The following NELL2 variants were observed in gnomAD, a reference collection of about 807,000 sequenced individuals.
NELL2 encodes the protein protein kinase C-binding protein NELL2.
In NELL2, 41 loss-of-function variants were observed where a neutral mutation model predicts 109.6. The ratio of observed to expected loss-of-function variants is 0.37; its 90% CI spans 0.29 to 0.49. The LOEUF (loss-of-function observed/expected upper bound fraction) is 0.49, where lower values mean the gene tolerates loss of function less well. NELL2 is among the 20% of genes least tolerant of loss of function. The pLI is 0.98. For synonymous variants in NELL2, 355 were observed against 344.7 expected, an observed-to-expected ratio of 1.03 and a Z score of -0.33; for missense variants, 900 against 1,008.3, an observed-to-expected ratio of 0.89 and a Z score of 1.45.
intron 15 of NELL2, among the ~76,000 whole-genome samples, chr12:44,593,297 T>A (rs1355896145): frequency 6.6e-6 from 1 of 152,136 alleles, no homozygotes; most frequent in Non-Finnish European, 1.5e-5. Flanking sequence ...TATAATCTTG[T>A]AAAACTTCCA....
intron 1 of NELL2, among the ~76,000 whole-genome samples, chr12:44,891,608 A>T (rs1945534971): frequency 6.7e-6 from 1 of 149,822 alleles, no homozygotes; most frequent in Admixed American, 6.8e-5. Flanking sequence ...TTTTCTCTTT[A>T]TTTGTAACAC....
chr12:44,661,325 G>T (rs778920338), intron 13 of NELL2, among the ~76,000 whole-genome samples: 3 of 152,148 alleles, frequency 2.0e-5, no homozygotes, highest in Admixed American at 1.3e-4. Flanking sequence ...ACCCATCTGG[G>T]ACTCTTCTTG....
chr12:44,536,134 G>T (rs1400137144), intron 15 of NELL2, among the ~76,000 whole-genome samples: 1 of 151,852 alleles, frequency 6.6e-6, no homozygotes, highest in Non-Finnish European at 1.5e-5. Flanking sequence ...CCACTAGAAG[G>T]CATGTTTTTT....
chr12:44,777,976 T>G (rs1360896622), intron 5 of NELL2, among the ~76,000 whole-genome samples: 2 of 152,186 alleles, frequency 1.3e-5, no homozygotes, highest in African/African-American at 4.8e-5. Context: ...TACTTAGTCA[T>G]TAAGGTATAA....
At chr12:44,710,360 C>T (rs1253284390) in intron 11 of NELL2, among the ~76,000 whole-genome samples, 1 of 151,988 alleles carries the variant, frequency 6.6e-6, no homozygotes, top group African/African-American at 2.4e-5. Flanking sequence ...TATACAGCAC[C>T]AATTACATCA....
rs1412062394 is a variant in NELL2, at chr12:44,683,632, G to A, written c.1319-18023C>T. Among the ~76,000 whole-genome samples, 6 of 151,964 alleles carry A rather than the reference G, an allele frequency of 3.9e-5. No homozygotes were observed. In the East Asian group the frequency reaches 1.2e-3, roughly 29 times the overall value. On this transcript the variant is annotated intron_variant, in intron 12 of 19. Coordinates refer to ENST00000429094, the MANE Select transcript of NELL2 (RefSeq NM_001145108.2). ...TTATTGAGAGTTTTTAGCATGAAGG[G>A]TTGCTGAATTTTGTCAAAGGCCTTT...
intron 15 of NELL2, among the ~76,000 whole-genome samples, chr12:44,587,307 A>ATATATATATTT (rs1302978950): frequency 6.3e-4 from 61 of 96,638 alleles, no homozygotes; most frequent in African/African-American, 2.5e-3. Flanking sequence ...ATATATATAT[A>ATATATATATTT]TTTTTTTTTA....
intron 15 of NELL2, among the ~76,000 whole-genome samples, chr12:44,604,085 G>T (rs1273598388): frequency 3.9e-5 from 6 of 152,134 alleles, no homozygotes; most frequent in Non-Finnish European, 8.8e-5. Context: ...AAAGACAACA[G>T]GTTGAAGGGG....
chr12:44,836,296 A>G (rs1944052756), intron 2 of NELL2, among the ~76,000 whole-genome samples: 1 of 152,210 alleles, frequency 6.6e-6, no homozygotes, highest in South Asian at 2.1e-4. Context: ...TGAGATCCCA[A>G]TCTATTCTCT....
Position 44,711,383 on chromosome 12 carries a change from C to A in NELL2, c.1098G>T (p.Met366Ile), listed in dbSNP as rs747560836. Residue 366 changes from methionine (M) to isoleucine (I), a missense_variant, in exon 11 of 20, where the codon ATG (methionine) becomes ATT (isoleucine). By Grantham distance (10) the Met-to-Ile change is conservative (BLOSUM62 1). Transcript: ENST00000429094. ...CVLYECKDQT[M>I]KLVESSGCPA... ...GACAGCCTGAACTCTCAACAAGTTT[C>A]ATGGTCTGGTCCTGTTAGACAACAG... The A allele has an allele frequency of 3.7e-5, 59 of 1,612,012 alleles. No homozygotes were observed. Among genetic ancestry groups the A allele is most frequent in the Non-Finnish European group, 4.7e-5 (55 of 1,178,584 alleles).
rs1484239143 is a variant in NELL2 at position 44,647,942 on chromosome 12, T to C, written c.1444+17542A>G. ...AATTGGTTGTCCAGTTACTAGGTGA[T>C]GCATCATGTGGTTGGAAGGTGAGGG... On this transcript the variant is annotated intron_variant, in intron 13 of 19. Coordinates refer to ENST00000429094, the MANE Select transcript of NELL2 (RefSeq NM_001145108.2). 2.0e-5 allele frequency among the ~76,000 whole-genome samples: 3 copies of C among 152,188 alleles called. No homozygotes were observed. The East Asian group carries it at 5.8e-4, about 29-fold the overall frequency.
At chr12:44,551,566 T>C (rs1035779460) in intron 15 of NELL2, among the ~76,000 whole-genome samples, 4 of 152,294 alleles carry the variant, frequency 2.6e-5, no homozygotes, top group African/African-American at 7.2e-5. Context: ...AATGGCCTTC[T>C]CCTCTCCCAA....
At chr12:44,854,269 T>C (rs1944611713) in intron 2 of NELL2, among the ~76,000 whole-genome samples, 1 of 152,092 alleles carries the variant, frequency 6.6e-6, no homozygotes, top group Non-Finnish European at 1.5e-5. Flanking sequence ...CACCAGTGTA[T>C]GGAAGAAATA....
intron 2 of NELL2, among the ~76,000 whole-genome samples, chr12:44,833,834 G>A (rs1943962909): frequency 6.6e-6 from 1 of 152,088 alleles, no homozygotes; most frequent in South Asian, 2.1e-4. Flanking sequence ...CTAATTACCA[G>A]GTCGGTCCAA....
chr12:44,805,442 TGATGGAG>T (rs1942967261), intron 3 of NELL2, among the ~76,000 whole-genome samples: 1 of 151,828 alleles, frequency 6.6e-6, no homozygotes, highest in Admixed American at 6.6e-5. Context: ...ACCTCAGCAT[TGATGGAG>T]ATTTGAGGTG....
chr12:44,840,494 A>C (rs1423484884), intron 2 of NELL2, among the ~76,000 whole-genome samples: 2 of 152,160 alleles, frequency 1.3e-5, no homozygotes, highest in Non-Finnish European at 2.9e-5. Context: ...AAAATTAGCC[A>C]GGCGTGGTGG....
intron 16 of NELL2, among the ~76,000 whole-genome samples, chr12:44,530,333 G>A (rs1941987319): frequency 6.6e-6 from 1 of 152,328 alleles, no homozygotes; most frequent in South Asian, 2.1e-4. Context: ...AGAATAAAGA[G>A]AAAGGAAGCA....
intron 15 of NELL2, among the ~76,000 whole-genome samples, chr12:44,542,143 C>T (rs1247126753): frequency 3.9e-5 from 6 of 152,034 alleles, no homozygotes; most frequent in Non-Finnish European, 7.4e-5. Context: ...GATGATATAG[C>T]GCAGTAAAAT....
At chr12:44,612,879 T>C (rs1456340124) in intron 13 of NELL2, among the ~76,000 whole-genome samples, 1 of 151,994 alleles carries the variant, frequency 6.6e-6, no homozygotes, top group African/African-American at 2.4e-5. Flanking sequence ...CAAGATTCAG[T>C]TTAGCATCTA....
Sources: gnomAD v4.1 joint callset for allele counts (sites outside exome capture counted in the v4.1 genomes callset) on GRCh38, gnomAD v4.1.1 for gene constraint, MANE v1.5 for transcripts, NCBI Gene and HGNC (gene_info 2026-07-23, HGNC 2026-07-21) for gene names.